Variants in GPR176 observed in about 807,000 individuals in gnomAD.
GPR176 encodes the protein G-protein coupled receptor 176.
A neutral mutation model predicts 35.4 loss-of-function variants in GPR176; 26 were observed. The observed-to-expected ratio is 0.74, with a 90% confidence interval of 0.54 to 1.02. GPR176 has a LOEUF of 1.02. Ranked by LOEUF, GPR176 falls within the 50% of genes least tolerant of loss-of-function variation. The pLI, the probability that GPR176 is intolerant of heterozygous loss-of-function variation, is 0.00. For missense variants in GPR176, 597 were observed against 665.3 expected, an observed-to-expected ratio of 0.90 and a Z score of 1.13; for synonymous variants, 278 against 271.3, an observed-to-expected ratio of 1.02 and a Z score of -0.24.
intron 1 of GPR176, among the ~76,000 whole-genome samples, chr15:39,906,031 G>A (rs192307445): frequency 2.6e-5 from 4 of 152,276 alleles, no homozygotes; most frequent in Admixed American, 2.6e-4. Context: ...AACTGTATGT[G>A]AATCTACAAT....
intron 1 of GPR176, among the ~76,000 whole-genome samples, chr15:39,846,146 G>T (rs1241982339): frequency 1.3e-5 from 2 of 152,118 alleles, no homozygotes; most frequent in African/African-American, 4.8e-5. Flanking sequence ...TCCCACTAAG[G>T]TACCATTTAA....
chr15:39,905,540 A>C (rs1387953983), intron 1 of GPR176, among the ~76,000 whole-genome samples: 1 of 152,136 alleles, frequency 6.6e-6, no homozygotes, highest in Non-Finnish European at 1.5e-5. Flanking sequence ...GCTGCAGTGA[A>C]CCAAGATCAT....
At chr15:39,827,460 G>C (rs999525783) in intron 1 of GPR176, among the ~76,000 whole-genome samples, 2 of 152,090 alleles carry the variant, frequency 1.3e-5, no homozygotes, top group South Asian at 4.1e-4. Context: ...AGTTTCTGTT[G>C]AACCCTTAGA....
chr15:39,869,314 A>G (rs1425115565), intron 1 of GPR176, among the ~76,000 whole-genome samples: 1 of 152,192 alleles, frequency 6.6e-6, no homozygotes, highest in Non-Finnish European at 1.5e-5. Context: ...CCATCAAACT[A>G]TTTTAAAAGA....
intron 1 of GPR176, among the ~76,000 whole-genome samples, chr15:39,847,492 T>C (rs2030517601): frequency 6.6e-6 from 1 of 152,020 alleles, no homozygotes; most frequent in Non-Finnish European, 1.5e-5. Flanking sequence ...ACACCTATAA[T>C]CCCAGCACTT....
chr15:39,906,366 A>G (rs751073594), intron 1 of GPR176, among the ~76,000 whole-genome samples: 2 of 152,216 alleles, frequency 1.3e-5, no homozygotes, highest in Non-Finnish European at 2.9e-5. Context: ...CAAGGATGCC[A>G]TTCTGATCCT....
rs186539687 is a variant in GPR176, at chr15:39,799,752, G to A, written c.*1380C>T. ...GGCGCTTGGTTTGTCCTCACTAACAGGGAAGTATTATCTGCGGTTCTAATT... is the reference window on the plus strand; with the variant it reads ...GGCGCTTGGTTTGTCCTCACTAACAAGGAAGTATTATCTGCGGTTCTAATT... On this transcript the variant is annotated 3_prime_UTR_variant, in exon 3 of 3. Transcript: ENST00000561100. 6.6e-6 allele frequency: 1 copy of A among 152,410 alleles called. No homozygotes were observed. Among genetic ancestry groups the A allele is most frequent in the East Asian group, 1.9e-4 (1 of 5,182 alleles). 9.4% of individuals were successfully genotyped at this position (152,410 alleles called of 1,614,324 possible).
At chr15:39,858,413 A>G (rs1566953486) in intron 1 of GPR176, among the ~76,000 whole-genome samples, 1 of 150,018 alleles carries the variant, frequency 6.7e-6, no homozygotes, top group Non-Finnish European at 1.5e-5. Flanking sequence ...ATTCCTACAG[A>G]AAAAAAAAAT....
chr15:39,811,358 T>A (rs1220578610), intron 1 of GPR176, among the ~76,000 whole-genome samples: 1 of 152,138 alleles, frequency 6.6e-6, no homozygotes, highest in African/African-American at 2.4e-5. Flanking sequence ...TAATTATTGA[T>A]ATGGTTGTAT....
In GPR176 at chr15:39,802,249, T is replaced by A; in HGVS notation, c.431A>T (p.Tyr144Phe). 1.3e-6 allele frequency: 2 copies of A among 1,592,510 alleles called. No homozygotes were observed. The highest frequency in any genetic ancestry group is 1.7e-6 in the Non-Finnish European group (2 of 1,167,508). Residue 144 changes from tyrosine (Y) to phenylalanine (F), a missense_variant, in exon 3 of 3, where the codon TAC becomes TTC. Around this residue, in one of 3 missense-constraint regions of GPR176, gnomAD observed 220 missense variants for 297.6 expected, o/e 0.74. Coordinates refer to ENST00000561100, the MANE Select transcript of GPR176 (RefSeq NM_007223.3). ...SFPAIALDRY[Y>F]SVLYPLERKI... ...CCTCTCCAGTGGATAGAGGACTGAG[T>A]AGTACCTGCAAGATACACAAACAAA...
At chr15:39,862,721 A>G (rs2031654692) in intron 1 of GPR176, among the ~76,000 whole-genome samples, 1 of 152,236 alleles carries the variant, frequency 6.6e-6, no homozygotes, top group East Asian at 1.9e-4. Context: ...ACTGCCATTC[A>G]TATAGAAGTA....
At chr15:39,899,582 G>A (rs149846279) in intron 1 of GPR176, among the ~76,000 whole-genome samples, 1 of 152,294 alleles carries the variant, frequency 6.6e-6, no homozygotes, top group Non-Finnish European at 1.5e-5. Context: ...GAAAAATATA[G>A]CAAAATGCAT....
chr15:39,906,396 G>T (rs2033423377), intron 1 of GPR176, among the ~76,000 whole-genome samples: 1 of 152,202 alleles, frequency 6.6e-6, no homozygotes, highest in Non-Finnish European at 1.5e-5. Context: ...ATAGCCATGT[G>T]TGTCAGCACA....
chr15:39,855,641 T>C (rs1401873072), intron 1 of GPR176, among the ~76,000 whole-genome samples: 1 of 152,156 alleles, frequency 6.6e-6, no homozygotes, highest in Non-Finnish European at 1.5e-5. Context: ...GGCTGGGGAT[T>C]TTCTGGGCTG....
intron 1 of GPR176, among the ~76,000 whole-genome samples, chr15:39,822,138 C>T (rs1480547690): frequency 6.6e-6 from 1 of 152,220 alleles, no homozygotes; most frequent in Non-Finnish European, 1.5e-5. Context: ...GTGGATCCTC[C>T]AGCCCCACTC....
At chr15:39,803,571 G>A (rs778083894) in intron 2 of GPR176, among the ~76,000 whole-genome samples, 19 of 152,092 alleles carry the variant, frequency 1.2e-4, no homozygotes, top group Non-Finnish European at 2.6e-4. Context: ...GTGAGCCACC[G>A]TGCCCAGCCT....
At chr15:39,910,892 G>A (rs2033560337) in intron 1 of GPR176, among the ~76,000 whole-genome samples, 1 of 152,002 alleles carries the variant, frequency 6.6e-6, no homozygotes, top group Non-Finnish European at 1.5e-5. Flanking sequence ...ACAAAAATTA[G>A]CCAGGCGTGG....
intron 1 of GPR176, among the ~76,000 whole-genome samples, chr15:39,917,871 C>T (rs987405122): frequency 4.0e-5 from 6 of 151,510 alleles, no homozygotes; most frequent in Non-Finnish European, 7.4e-5. Flanking sequence ...ATGGTGAAAC[C>T]CCGTCTCTAC....
At chr15:39,913,926 G>A (rs1195192929) in intron 1 of GPR176, among the ~76,000 whole-genome samples, 2 of 152,080 alleles carry the variant, frequency 1.3e-5, no homozygotes, top group African/African-American at 4.8e-5. Flanking sequence ...GGTGCCTGTA[G>A]TCCCAGCTGC....
Sources: allele counts gnomAD v4.1 joint callset (sites outside exome capture counted in the v4.1 genomes callset), GRCh38; gene constraint gnomAD v4.1.1; regional missense constraint gnomAD v4.1.1; transcripts MANE v1.5; gene names NCBI Gene and HGNC (gene_info 2026-07-23, HGNC 2026-07-21).